Variants in CDKL1 observed in about 807,000 individuals in gnomAD.
The protein encoded by CDKL1 is cyclin-dependent kinase-like 1.
In CDKL1, 41 loss-of-function variants were observed where a neutral mutation model predicts 42.0. The observed-to-expected ratio is 0.98, with a 90% CI of 0.76 to 1.27. The LOEUF is 1.27. Among genes scored for constraint, CDKL1 ranks in the 50% most tolerant of loss-of-function variants. CDKL1 has a pLI of 0.00. For missense variants in CDKL1, 394 were observed against 428.4 expected, an observed-to-expected ratio of 0.92 and a Z score of 0.71; for synonymous variants, 153 against 158.6, an observed-to-expected ratio of 0.96 and a Z score of 0.26.
At chr14:50,356,215 C>T (rs1009572196) in intron 3 of CDKL1, among the ~76,000 whole-genome samples, 4 of 152,070 alleles carry the variant, frequency 2.6e-5, no homozygotes, top group Non-Finnish European at 2.9e-5. Flanking sequence ...GAAAGATAAC[C>T]GAAGTCTTCT....
At chr14:50,396,704 C>G (rs11570782) in intron 1 of CDKL1, 120 bp downstream of exon 1, 36,579 of 156,636 alleles carry the variant, frequency 0.23, 4,813 homozygotes, top group East Asian at 0.55. Flanking sequence ...GCCCCACGCC[C>G]CCGGGACTGG....
chr14:50,329,215 T>A lies in CDKL1; in HGVS notation c.*859A>T, dbSNP rs1399688050. 2 of 152,132 alleles carry A rather than the reference T, an allele frequency of 1.3e-5. No individual in the cohort carries two copies. Among genetic ancestry groups the A allele is most frequent in the Admixed American group, 1.3e-4 (2 of 15,270 alleles). The allele number at this position is 152,132 out of a possible 1,614,324, so 9.4% of individuals were successfully genotyped here. A position where few individuals can be genotyped will look rare whatever the true frequency, so the allele number is the denominator to read the frequency against. On this transcript the variant is annotated 3_prime_UTR_variant, in exon 10 of 10. Transcript: ENST00000395834. ...ACTGAATTACAGGTTTGCCTATAGA[T>A]GTACCAGGTCAAAGGCTGTGCCAGA...
intron 2 of CDKL1, among the ~76,000 whole-genome samples, chr14:50,388,338 A>T (rs1762007068): frequency 6.6e-6 from 1 of 152,250 alleles, no homozygotes; most frequent in African/African-American, 2.4e-5. Context: ...TGCACAGAGC[A>T]CATTCAGTTA....
At position 50,381,153 on chromosome 14, in the gene CDKL1, T is replaced by G. The variant is rs114529541; in HGVS notation, c.168+14548A>C. 7.3e-3 allele frequency among the ~76,000 whole-genome samples: 1,115 copies of G among 152,306 alleles called. 28 individuals are homozygous for G. The highest frequency in any genetic ancestry group is 0.025 in the African/African-American group (1,058 of 41,564). ...AGTAGGACCCAGGACAAGAGGGAAC[T>G]TTGCACAGCAGGTCAAAGCTGCCCT... On this transcript the variant is annotated intron_variant, in intron 2 of 9. Coordinates refer to ENST00000395834, the MANE Select transcript of CDKL1 (RefSeq NM_004196.7).
At position 50,395,791 on chromosome 14, in the gene CDKL1, C is replaced by T. The variant is rs766026278; in HGVS notation, c.78G>A (p.Thr26=). Residue 26 remains threonine (T), a synonymous_variant, in exon 2 of 10, where the codon ACG becomes ACA. Coordinates refer to ENST00000395834, the MANE Select transcript of CDKL1 (RefSeq NM_004196.7). ...GVVFKCRNRD[T]GQIVAIKKFL... is the part of the protein sequence containing the mutation. ...ACTTCTTGATGGCCACAATCTGACC[C>T]GTGTCCCTGTTTCTACATTTGAAAA... is the stretch of plus-strand genomic sequence containing the variant. 6.2e-7 allele frequency: 1 copy of T among 1,613,424 alleles called. No individual in the cohort carries two copies. The highest frequency in any genetic ancestry group is 8.5e-7 in the Non-Finnish European group (1 of 1,179,344).
chr14:50,330,279 A>G, intron 9 of CDKL1, 98 bp from the exon 10 acceptor site: 3 of 1,431,892 alleles, frequency 2.1e-6, no homozygotes, highest in Non-Finnish European at 2.8e-6. Flanking sequence ...GCTTTTTAGT[A>G]TAGAAGTACT....
At chr14:50,377,930 A>G (rs1410657257) in intron 2 of CDKL1, among the ~76,000 whole-genome samples, 1 of 152,192 alleles carries the variant, frequency 6.6e-6, no homozygotes, top group Non-Finnish European at 1.5e-5. Flanking sequence ...GACAGGACAG[A>G]CTGTGCCAAA....
intron 2 of CDKL1, chr14:50,390,445 C>A: frequency 1.6e-6 from 2 of 1,264,098 alleles, no homozygotes; most frequent in Non-Finnish European, 2.1e-6. Context: ...AGCATAGGGG[C>A]TTGGGGCCTT....
At chr14:50,378,151 T>G (rs773469910) in intron 2 of CDKL1, 6 of 1,364,180 alleles carry the variant, frequency 4.4e-6, no homozygotes, top group Non-Finnish European at 5.9e-6. Context: ...TCAGTTCCAT[T>G]GCTGTAGGTT....
At chr14:50,394,996 A>T (rs1404586813) in intron 2 of CDKL1, among the ~76,000 whole-genome samples, 1 of 152,222 alleles carries the variant, frequency 6.6e-6, no homozygotes, top group Non-Finnish European at 1.5e-5. Context: ...AAAATTAGAA[A>T]GTGATCATTT....
intron 3 of CDKL1, among the ~76,000 whole-genome samples, chr14:50,346,284 C>T (rs568774984): frequency 2.0e-5 from 3 of 152,236 alleles, no homozygotes; most frequent in Admixed American, 1.3e-4. Flanking sequence ...CTAGTTGGGA[C>T]ATTGCTGGAC....
chr14:50,343,142 T>C, intron 4 of CDKL1: 2 of 537,990 alleles, frequency 3.7e-6, no homozygotes, highest in Non-Finnish European at 2.7e-6. Context: ...ATCAACAACC[T>C]AATTAAGAGT....
chr14:50,394,371 A>C (rs896755142), intron 2 of CDKL1, among the ~76,000 whole-genome samples: 1 of 152,234 alleles, frequency 6.6e-6, no homozygotes, highest in Non-Finnish European at 1.5e-5. Flanking sequence ...TCCTCTCAAT[A>C]GATAATATCC....
intron 3 of CDKL1, among the ~76,000 whole-genome samples, chr14:50,352,905 C>A (rs1190943927): frequency 2.0e-5 from 3 of 152,166 alleles, no homozygotes; most frequent in Non-Finnish European, 4.4e-5. Flanking sequence ...TCTTTGTAGA[C>A]AATTTCATAA....
rs965407066 is a variant in CDKL1, at chr14:50,334,600, G to A, written c.760C>T (p.Pro254Ser). The change falls in exon 8 of 10, where the codon CCA (proline) becomes TCA (serine). Residue 254 changes from proline (P) to serine (S), a missense_variant. Transcript: ENST00000395834. ...EDMEPLELKF[P>S]NISYPALGLL... Reference sequence around the variant, plus strand: ...CCCAGGGCAGGATAAGAGATGTTTGGGAATTTTAATTCAAGTGGTTCCTGT... The same window carrying A: ...CCCAGGGCAGGATAAGAGATGTTTGAGAATTTTAATTCAAGTGGTTCCTGT... 6.2e-7 allele frequency: 1 copy of A among 1,603,556 alleles called. No individual in the cohort carries two copies. Among genetic ancestry groups the A allele is most frequent in the Admixed American group, 1.7e-5 (1 of 59,974 alleles).
Position 50,327,998 on chromosome 14 carries a change from T to C in CDKL1, c.*2076A>G, listed in dbSNP as rs1376149154. 1 of 152,196 alleles carries C rather than the reference T, an allele frequency of 6.6e-6. No individual in the cohort carries two copies. The highest frequency in any genetic ancestry group is 1.5e-5 in the Non-Finnish European group (1 of 68,036). 9.4% of individuals were successfully genotyped at this position (152,196 alleles called of 1,614,324 possible). ...ATACCGAATAAAAGCATTATAAATATGGTTAAATTGAACATAAGCATAAAT... is the reference window on the plus strand; with the variant it reads ...ATACCGAATAAAAGCATTATAAATACGGTTAAATTGAACATAAGCATAAAT... On this transcript the variant is annotated 3_prime_UTR_variant, in exon 10 of 10. Coordinates refer to ENST00000395834, the MANE Select transcript of CDKL1 (RefSeq NM_004196.7).
rs575336725 is a variant in CDKL1 at position 50,359,221 on chromosome 14, A to C, written c.169-72T>G. 4 of 1,520,278 alleles carry C rather than the reference A, an allele frequency of 2.6e-6. No homozygotes were observed. In the South Asian group the frequency reaches 3.8e-5, roughly 14 times the overall value. The allele number at this position is 1,520,278 out of a possible 1,614,324, so 94.2% of individuals were successfully genotyped here. A position where few individuals can be genotyped will look rare whatever the true frequency, so the allele number is the denominator to read the frequency against. On this transcript the variant is annotated intron_variant, in intron 2 of 9. Transcript: ENST00000395834. The stretch of plus-strand genomic sequence containing the variant: ...AGCTTTCTCTAATCTTGATCCAATA[A>C]AAAGTAAGTTGTTTGTCCTTTAAGA...
chr14:50,369,669 A>G (rs2139484133), intron 2 of CDKL1, among the ~76,000 whole-genome samples: 1 of 151,658 alleles, frequency 6.6e-6, no homozygotes, highest in South Asian at 2.1e-4. Flanking sequence ...CCCAGGCTGG[A>G]GTGCAGTGGC....
chr14:50,353,025 C>A (rs993743384), intron 3 of CDKL1, among the ~76,000 whole-genome samples: 1 of 152,194 alleles, frequency 6.6e-6, no homozygotes, highest in Non-Finnish European at 1.5e-5. Flanking sequence ...GCATCCATCT[C>A]GACTTTAGGA....
Sources: allele counts gnomAD v4.1 joint callset (sites outside exome capture counted in the v4.1 genomes callset), GRCh38; gene constraint gnomAD v4.1.1; transcripts MANE v1.5; gene names NCBI Gene and HGNC (gene_info 2026-07-23, HGNC 2026-07-21).